AGBL1: variants seen among roughly 807,000 people sequenced by gnomAD.
AGBL1 encodes cytosolic carboxypeptidase 4.
Under a neutral mutation model 118.9 loss-of-function variants are expected in AGBL1, and 130 were observed. The observed-to-expected ratio is 1.09, with a 90% CI of 0.95 to 1.26. AGBL1 has a LOEUF of 1.26. AGBL1 is among the 50% of genes most tolerant of loss of function. The probability of loss-of-function intolerance (pLI) is 0.00; values close to 1 mark genes in which losing one functional copy is unlikely to be tolerated. For synonymous variants in AGBL1, 555 were observed against 478.9 expected (o/e 1.16, Z -2.08); for missense variants, 1,584 against 1,298.1 (o/e 1.22, Z -3.38).
intron 22 of AGBL1, among the ~76,000 whole-genome samples, chr15:86,893,060 G>A (rs1168424470): frequency 2.0e-5 from 3 of 152,174 alleles, no homozygotes; most frequent in Non-Finnish European, 4.4e-5. Context: ...GCTAAATACT[G>A]CCTCGGGGAC....
At chr15:86,862,109 A>G (rs1361741293) in intron 22 of AGBL1, among the ~76,000 whole-genome samples, 2 of 152,202 alleles carry the variant, frequency 1.3e-5, no homozygotes, top group African/African-American at 2.4e-5. Flanking sequence ...GAATAACAAC[A>G]GTACCTACTT....
At chr15:86,937,055 C>T (rs1258613313) in intron 23 of AGBL1, among the ~76,000 whole-genome samples, 2 of 152,142 alleles carry the variant, frequency 1.3e-5, no homozygotes, top group Admixed American at 6.5e-5. Context: ...TGAAGAAAAG[C>T]TCAATATCAC....
intron 23 of AGBL1, among the ~76,000 whole-genome samples, chr15:86,947,098 T>G (rs1196007035): frequency 6.6e-6 from 1 of 152,184 alleles, no homozygotes; most frequent in East Asian, 1.9e-4. Context: ...TCATCTCTGC[T>G]GCTTCTCTGA....
chr15:86,953,996 C>T (rs2080905519), intron 23 of AGBL1, among the ~76,000 whole-genome samples: 1 of 152,112 alleles, frequency 6.6e-6, no homozygotes, highest in Non-Finnish European at 1.5e-5. Flanking sequence ...CTCCTCATCA[C>T]TAATTATCAG....
intron 21 of AGBL1, among the ~76,000 whole-genome samples, chr15:86,610,710 G>A (rs112859714): frequency 2.6e-5 from 4 of 152,264 alleles, no homozygotes; most frequent in East Asian, 1.9e-4. Context: ...TTGTTGAGAC[G>A]TTCCAAGGTA....
chr15:86,936,818 T>G (rs188511938), intron 23 of AGBL1, among the ~76,000 whole-genome samples: 3 of 152,278 alleles, frequency 2.0e-5, no homozygotes, highest in South Asian at 4.1e-4. Flanking sequence ...ATAATTCAAC[T>G]TAAGAGCTTC....
chr15:86,204,831 C>A (rs2077965259), intron 5 of AGBL1, among the ~76,000 whole-genome samples: 1 of 152,130 alleles, frequency 6.6e-6, no homozygotes, highest in Non-Finnish European at 1.5e-5. Context: ...CTCAGGTGAT[C>A]CACCTGCCTT....
intron 22 of AGBL1, among the ~76,000 whole-genome samples, chr15:86,807,368 C>T (rs1012319991): frequency 4.6e-5 from 7 of 152,046 alleles, no homozygotes; most frequent in East Asian, 1.9e-4. Context: ...AGAGACATCA[C>T]GTTGGAAGCA....
At chr15:86,938,310 G>A (rs1469184100) in intron 23 of AGBL1, among the ~76,000 whole-genome samples, 1 of 152,170 alleles carries the variant, frequency 6.6e-6, no homozygotes. Context: ...ATCTTGCACG[G>A]GACACAGATA....
At chr15:86,300,218 T>G (rs1208664162) in intron 17 of AGBL1, among the ~76,000 whole-genome samples, 2 of 152,190 alleles carry the variant, frequency 1.3e-5, no homozygotes, top group Non-Finnish European at 2.9e-5. Context: ...ATCATTTTTT[T>G]AACTTCTCCA....
At chr15:86,815,284 G>A (rs2078842640) in intron 22 of AGBL1, among the ~76,000 whole-genome samples, 1 of 152,034 alleles carries the variant, frequency 6.6e-6, no homozygotes, top group Non-Finnish European at 1.5e-5. Flanking sequence ...AAAATTGGGG[G>A]ATATTTAATG....
Position 86,512,913 on chromosome 15 carries a change from T to G in AGBL1, c.2556-9897T>G, listed in dbSNP as rs143311608. On this transcript the variant is annotated intron_variant, in intron 18 of 22. Coordinates refer to ENST00000614907, the MANE Select transcript of AGBL1 (RefSeq NM_001386094.1). The stretch of plus-strand genomic sequence containing the variant: ...TGAGTTTTTCCAGTTATTATTTTTT[T>G]TAAATTATAGATTTTTTCCTTTTTT... 7.5e-3 allele frequency among the ~76,000 whole-genome samples: 1,139 copies of G among 151,858 alleles called. 5 individuals are homozygous for G. Among genetic ancestry groups the G allele is most frequent in the Non-Finnish European group, 0.012 (817 of 67,768 alleles).
At chr15:86,640,646 A>G (rs756752891) in intron 21 of AGBL1, among the ~76,000 whole-genome samples, 3 of 152,178 alleles carry the variant, frequency 2.0e-5, no homozygotes, top group Non-Finnish European at 4.4e-5. Flanking sequence ...TTGGAGATCT[A>G]AGATTCTGTC....
At chr15:86,128,555 A>C (rs1269475802) in intron 1 of AGBL1, among the ~76,000 whole-genome samples, 1 of 152,240 alleles carries the variant, frequency 6.6e-6, no homozygotes, top group Non-Finnish European at 1.5e-5. Flanking sequence ...GCAGAGAATC[A>C]GTCCCTGAGA....
Position 87,006,654 on chromosome 15 carries a change from C to T in AGBL1, c.3323+18566C>T, listed in dbSNP as rs144953708. 4.3e-4 allele frequency among the ~76,000 whole-genome samples: 65 copies of T among 152,284 alleles called. 1 individual carries two copies. The East Asian group carries it at 9.9e-3, about 23-fold the overall frequency. ...CTTGCACTTCCCGGGTGAGGCAATG[C>T]CTCACCCTGCTTTGGCTCATGCTTT... On this transcript the variant is annotated intron_variant, in intron 24 of 24. Coordinates refer to the AGBL1 transcript ENST00000441037.
intron 22 of AGBL1, among the ~76,000 whole-genome samples, chr15:86,688,828 C>T (rs1317219310): frequency 6.6e-6 from 1 of 152,138 alleles, no homozygotes; most frequent in East Asian, 1.9e-4. Context: ...TTATTCCCAT[C>T]ATCACACCAA....
chr15:86,720,534 A>T (rs2086702028), intron 22 of AGBL1, among the ~76,000 whole-genome samples: 1 of 152,186 alleles, frequency 6.6e-6, no homozygotes, highest in Non-Finnish European at 1.5e-5. Flanking sequence ...GCCACTTGAG[A>T]TATGTGGCTA....
intron 24 of AGBL1, among the ~76,000 whole-genome samples, chr15:87,003,943 G>T (rs2081469021): frequency 6.6e-6 from 1 of 151,846 alleles, no homozygotes; most frequent in Non-Finnish European, 1.5e-5. Context: ...TTTTTTGAAG[G>T]GTTTTTTGTG....
chr15:86,253,497 C>T (rs1447054137), intron 7 of AGBL1, among the ~76,000 whole-genome samples: 3 of 152,116 alleles, frequency 2.0e-5, no homozygotes, highest in African/African-American at 7.2e-5. Flanking sequence ...GATCCACCTG[C>T]CTCGGCCTCC....
Sources: gnomAD v4.1 joint callset for allele counts (sites outside exome capture counted in the v4.1 genomes callset) on GRCh38, gnomAD v4.1.1 for gene constraint, MANE v1.5 for transcripts, NCBI Gene and HGNC (gene_info 2026-07-23, HGNC 2026-07-21) for gene names.